Variants in HIF1A observed in about 807,000 individuals in gnomAD.
HIF1A encodes the protein hypoxia inducible factor 1 subunit alpha, also known as hypoxia-inducible factor 1-alpha.
HIF1A carries 24 observed loss-of-function variants against 92.7 expected under a neutral mutation model. The ratio of observed to expected loss-of-function variants is 0.26; its 90% CI spans 0.19 to 0.36. The LOEUF (loss-of-function observed/expected upper bound fraction) is 0.36. Among genes scored for constraint, HIF1A ranks in the 10% least tolerant of loss-of-function variants. The probability of loss-of-function intolerance (pLI) is 1.00; values close to 1 mark genes in which losing one functional copy is unlikely to be tolerated. For synonymous variants in HIF1A, 319 were observed against 338.7 expected, an observed-to-expected ratio of 0.94 and a Z score of 0.64; for missense variants, 799 against 998.5, an observed-to-expected ratio of 0.80 and a Z score of 2.69.
Position 61,695,573 on chromosome 14 carries a change from A to T in HIF1A, c.-232A>T. ...GATCACCCTCTTCGTCGCTTCGGCC[A>T]GTGTGTCGGGCTGGGCCCTGACAAG... On this transcript the variant is annotated 5_prime_UTR_variant, in exon 1 of 15. Transcript: ENST00000337138. 1.7e-6 allele frequency: 1 copy of T among 577,776 alleles called. No homozygotes were observed. Among genetic ancestry groups the T allele is most frequent in the Non-Finnish European group, 3.1e-6 (1 of 326,080 alleles). The allele number at this position is 577,776 out of a possible 1,614,324, so 35.8% of individuals were successfully genotyped here.
chr14:61,744,311 G>A (rs1050067416), intron 12 of HIF1A, among the ~76,000 whole-genome samples: 4 of 151,978 alleles, frequency 2.6e-5, no homozygotes, highest in South Asian at 2.1e-4. Context: ...GATCACTTGC[G>A]CTCAGGAGTT....
intron 1 of HIF1A, chr14:61,717,011 A>G (rs187105545): frequency 1.3e-5 from 2 of 152,364 alleles, no homozygotes; most frequent in East Asian, 1.9e-4. Flanking sequence ...ACTTCACTTG[A>G]CCTGTACTTA....
intron 8 of HIF1A, among the ~76,000 whole-genome samples, chr14:61,736,471 C>T (rs1334146763): frequency 1.3e-5 from 2 of 152,076 alleles, no homozygotes; most frequent in East Asian, 3.9e-4. Flanking sequence ...AACAGTTGTT[C>T]AACCCTTGCC....
intron 1 of HIF1A, among the ~76,000 whole-genome samples, chr14:61,708,258 G>C (rs1566561864): frequency 6.6e-6 from 1 of 152,144 alleles, no homozygotes; most frequent in Non-Finnish European, 1.5e-5. Flanking sequence ...TAGGTTGCCT[G>C]TTCACTCTGA....
intron 4 of HIF1A, 192 bp from the exon 5 acceptor site, chr14:61,726,514 A>G (rs372231399): frequency 1.8e-5 from 7 of 396,864 alleles, no homozygotes; most frequent in East Asian, 1.7e-4. Context: ...AGGGAATCAC[A>G]GCTACTGAGT....
At chr14:61,728,102 T>G (rs1446556444) in intron 6 of HIF1A, among the ~76,000 whole-genome samples, 1 of 152,186 alleles carries the variant, frequency 6.6e-6, no homozygotes, top group Non-Finnish European at 1.5e-5. Flanking sequence ...AATATTAGAT[T>G]AACTTTGTAA....
intron 1 of HIF1A, among the ~76,000 whole-genome samples, chr14:61,717,690 A>T (rs1027676240): frequency 6.6e-6 from 1 of 152,212 alleles, no homozygotes; most frequent in African/African-American, 2.4e-5. Flanking sequence ...TACGTGTATT[A>T]CAGAGGAACT....
Position 61,741,034 on chromosome 14 carries a change from A to G in HIF1A, c.1939A>G (p.Ile647Val). The G allele has an allele frequency of 6.2e-7, 1 of 1,614,150 alleles. No homozygotes were observed. The highest frequency in any genetic ancestry group is 1.1e-5 in the South Asian group (1 of 91,088). The change falls in exon 12 of 15, where the codon ATA becomes GTA. Residue 647 changes from isoleucine to valine, a missense_variant. This residue lies in a region of HIF1A where 283 missense variants were observed against 277.5 expected (regional missense o/e 1.02). Transcript: ENST00000337138. ...GATTGCATCTCCATCTCCTACCCAC[A>G]TACATAAAGAAACTACTAGTGCCAC... is the stretch of plus-strand genomic sequence containing the variant. The part of the protein sequence containing the change: ...ILIASPSPTH[I>V]HKETTSATSS...
At position 61,728,209 on chromosome 14, in the gene HIF1A, A is replaced by G. The variant is rs73331660; in HGVS notation, c.773+554A>G. Reference sequence around the variant, plus strand: ...AGTTAAGATGAGTCTTTTTTTCCCCAATAGGGGCTCTACTTACTTAGAGAA... The same window carrying G: ...AGTTAAGATGAGTCTTTTTTTCCCCGATAGGGGCTCTACTTACTTAGAGAA... On this transcript the variant is annotated intron_variant, in intron 6 of 14. Coordinates refer to ENST00000337138, the MANE Select transcript of HIF1A (RefSeq NM_001530.4). 4.6e-3 allele frequency among the ~76,000 whole-genome samples: 695 copies of G among 152,164 alleles called. 9 individuals carry two copies. The highest frequency in any genetic ancestry group is 0.016 in the African/African-American group (665 of 41,522).
intron 1 of HIF1A, chr14:61,716,885 G>A (rs893681442): frequency 1.3e-5 from 2 of 152,164 alleles, no homozygotes; most frequent in African/African-American, 4.8e-5. Context: ...TTTGCCAGTA[G>A]TATACTCCAA....
chr14:61,726,521 G>A (rs745993087), intron 4 of HIF1A, 185 bp from the exon 5 acceptor site: 3 of 434,190 alleles, frequency 6.9e-6, no homozygotes, highest in Non-Finnish European at 1.2e-5. Flanking sequence ...CACAGCTACT[G>A]AGTAGTGTGT....
In HIF1A at chr14:61,721,420, C is replaced by T. The variant is rs150755518; in HGVS notation, c.227-89C>T. The T allele has an allele frequency of 5.0e-5, 55 of 1,090,542 alleles. No individual in the cohort carries two copies. The African/African-American group carries it at 5.7e-4, about 11-fold the overall frequency. The allele number at this position is 1,090,542 out of a possible 1,614,324, so 67.6% of individuals were successfully genotyped here. A position where few individuals can be genotyped will look rare whatever the true frequency, so the allele number is the denominator to read the frequency against. The stretch of plus-strand genomic sequence containing the variant: ...CTGTATATATTAAATAAAGTGTCTG[C>T]GAGAAAACTTTGTAAAAACATCTAA... On this transcript the variant is annotated intron_variant, in intron 2 of 14. Coordinates refer to ENST00000337138, the MANE Select transcript of HIF1A (RefSeq NM_001530.4).
At chr14:61,742,656 C>T (rs759033930) in intron 12 of HIF1A, among the ~76,000 whole-genome samples, 62 of 151,902 alleles carry the variant, frequency 4.1e-4, no homozygotes, top group Non-Finnish European at 2.2e-4. Context: ...GAGGCTGAAG[C>T]GGGTGGATCA....
At chr14:61,716,352 G>A (rs144265428) in intron 1 of HIF1A, among the ~76,000 whole-genome samples, 11 of 152,200 alleles carry the variant, frequency 7.2e-5, no homozygotes, top group African/African-American at 2.4e-4. Flanking sequence ...AAATACTGAC[G>A]CAAGTGCAAA....
At chr14:61,733,484 G>A (rs776590425) in intron 7 of HIF1A, among the ~76,000 whole-genome samples, 4 of 152,064 alleles carry the variant, frequency 2.6e-5, no homozygotes, top group East Asian at 1.9e-4. Flanking sequence ...TTAAACTTTG[G>A]ACTATCTCAC....
At chr14:61,707,770 T>C (rs368496035) in intron 1 of HIF1A, among the ~76,000 whole-genome samples, 2,546 of 151,232 alleles carry the variant, frequency 0.017, 44 homozygotes, top group Non-Finnish European at 0.024. Context: ...TAAACATACG[T>C]GTGCATGTGT....
At chr14:61,737,187 G>C in intron 9 of HIF1A, 78 bp downstream of exon 9, 4 of 928,406 alleles carry the variant, frequency 4.3e-6, no homozygotes, top group Non-Finnish European at 6.7e-6. Context: ...TTACTTTACG[G>C]TTTTTGTTGG....
At position 61,747,119 on chromosome 14, in the gene HIF1A, C is replaced by G. The variant is rs1489469817; in HGVS notation, c.*34C>G. On this transcript the variant is annotated 3_prime_UTR_variant, in exon 15 of 15. Coordinates refer to ENST00000337138, the MANE Select transcript of HIF1A (RefSeq NM_001530.4). ...TTAATTTCATTCCTTTTTTTGGACA[C>G]TGGTGGCTCATTACCTAAAGCAGTC... The G allele has an allele frequency of 6.3e-7, 1 of 1,581,138 alleles. No individual in the cohort carries two copies. The highest frequency in any genetic ancestry group is 1.2e-5 in the South Asian group (1 of 86,014).
At chr14:61,707,905 T>C (rs1490954330) in intron 1 of HIF1A, among the ~76,000 whole-genome samples, 1 of 152,122 alleles carries the variant, frequency 6.6e-6, no homozygotes, top group Non-Finnish European at 1.5e-5. Context: ...ATGGTTGAAC[T>C]AGTTTACAGT....
Sources: gnomAD v4.1 joint callset for allele counts (sites outside exome capture counted in the v4.1 genomes callset) on GRCh38, gnomAD v4.1.1 for gene constraint, gnomAD v4.1.1 regional missense constraint, MANE v1.5 for transcripts, NCBI Gene and HGNC (gene_info 2026-07-23, HGNC 2026-07-21) for gene names.